ZDHHC21: variants seen among roughly 807,000 people sequenced by gnomAD.
ZDHHC21 encodes the protein palmitoyltransferase ZDHHC21.
Under a neutral mutation model 34.6 loss-of-function variants are expected in ZDHHC21, and 15 were observed. The ratio of observed to expected loss-of-function variants is 0.43; its 90% CI spans 0.29 to 0.67. The LOEUF is 0.67. Ranked by LOEUF, ZDHHC21 falls within the 30% of genes least tolerant of loss-of-function variation. The pLI, the probability that ZDHHC21 is intolerant of heterozygous loss-of-function variation, is 0.14. For synonymous variants in ZDHHC21, 142 were observed against 101.8 expected (o/e 1.40, Z -2.38); for missense variants, 344 against 327.7 (o/e 1.05, Z -0.38).
chr9:14,594,758 AAACT>A, the ZDHHC21 span, among the ~76,000 whole-genome samples: 6 of 152,312 alleles, frequency 3.9e-5, no homozygotes, highest in East Asian at 1.2e-3. Flanking sequence ...GACAAACCAC[AAACT>A]AAAAGAAAAT....
In ZDHHC21 at chr9:14,654,380, C is replaced by T. The variant is rs571728268; in HGVS notation, c.504+4369G>A. ...AACCCCTGATTGGATAAAAATGAGG[C>T]TTCTCTTATATCCTATCAAAAAAAA... On this transcript the variant is annotated intron_variant, in intron 7 of 9. Transcript: ENST00000380916. Among the ~76,000 whole-genome samples, 151 of 130,258 alleles carry T rather than the reference C, an allele frequency of 1.2e-3. 1 individual carries two copies. Among genetic ancestry groups the T allele is most frequent in the South Asian group, 8.8e-3 (32 of 3,632 alleles). 85.5% of individuals were successfully genotyped at this position (130,258 alleles called of 152,430 possible).
At chr9:14,602,936 A>C in the ZDHHC21 span, among the ~76,000 whole-genome samples, 4 of 148,770 alleles carry the variant, frequency 2.7e-5, no homozygotes, top group Non-Finnish European at 4.5e-5. Context: ...CTCAAAAAAA[A>C]AAAAAAAAAA....
In ZDHHC21 at chr9:14,618,856, G is replaced by T; in HGVS notation, c.*110C>A. On this transcript the variant is annotated 3_prime_UTR_variant, in exon 10 of 10. Transcript: ENST00000380916. ...GCCTGGGGCACATTATGATGCCTAA[G>T]ACTGGTGGGTGGATTTTAATTGACT... 3 of 1,272,792 alleles carry T rather than the reference G, an allele frequency of 2.4e-6. No individual in the cohort carries two copies. Among genetic ancestry groups the T allele is most frequent in the Non-Finnish European group, 3.1e-6 (3 of 960,702 alleles). 78.8% of individuals were successfully genotyped at this position (1,272,792 alleles called of 1,614,324 possible).
chr9:14,686,491 T>C (rs1367469583), intron 2 of ZDHHC21, among the ~76,000 whole-genome samples: 1 of 152,226 alleles, frequency 6.6e-6, no homozygotes, highest in African/African-American at 2.4e-5. Flanking sequence ...ATCAAAATTA[T>C]TACATTTCTT....
downstream of ZDHHC21, among the ~76,000 whole-genome samples, chr9:14,610,259 G>C (rs900255249): frequency 7.9e-5 from 12 of 151,882 alleles, no homozygotes; most frequent in Non-Finnish European, 1.6e-4. Context: ...TTTGAGAACT[G>C]TTGTAACTTA....
intron 2 of ZDHHC21, among the ~76,000 whole-genome samples, 198 bp downstream of exon 2, chr9:14,690,139 C>A (rs1838951201): frequency 6.6e-6 from 1 of 152,142 alleles, no homozygotes; most frequent in Non-Finnish European, 1.5e-5. Context: ...GAGGCCCAGG[C>A]TTTTCCTGGG....
chr9:14,662,459 G>T, intron 5 of ZDHHC21, 133 bp from the exon 6 acceptor site: 1 of 623,554 alleles, frequency 1.6e-6, no homozygotes, highest in Non-Finnish European at 2.7e-6. Flanking sequence ...TAAGCCTTTG[G>T]TATAAATGTG....
At chr9:14,651,475 G>A (rs185538787) in intron 7 of ZDHHC21, among the ~76,000 whole-genome samples, 1 of 151,800 alleles carries the variant, frequency 6.6e-6, no homozygotes, top group Admixed American at 6.6e-5. Context: ...ATTGGACAAG[G>A]TATTGAACTT....
intron 2 of ZDHHC21, among the ~76,000 whole-genome samples, chr9:14,685,047 T>C (rs1371940302): frequency 6.6e-6 from 1 of 152,106 alleles, no homozygotes; most frequent in Admixed American, 6.5e-5. Flanking sequence ...TATACAAAAA[T>C]TAATTCAAGA....
chr9:14,633,104 G>C (rs1477949471), intron 8 of ZDHHC21, among the ~76,000 whole-genome samples: 2 of 152,188 alleles, frequency 1.3e-5, no homozygotes, highest in Admixed American at 6.5e-5. Flanking sequence ...AAAACGTGTA[G>C]GTGGGCTTCA....
At chr9:14,598,343 G>A in the ZDHHC21 span, among the ~76,000 whole-genome samples, 1 of 152,100 alleles carries the variant, frequency 6.6e-6, no homozygotes, top group Non-Finnish European at 1.5e-5. Flanking sequence ...CACTACTGAT[G>A]CTGATTACAC....
chr9:14,642,153 GTATT>G (rs1829484644), intron 7 of ZDHHC21, among the ~76,000 whole-genome samples: 1 of 151,910 alleles, frequency 6.6e-6, no homozygotes, highest in Admixed American at 6.6e-5. Flanking sequence ...TATATTTAAA[GTATT>G]TATGTAAAAT....
downstream of ZDHHC21, among the ~76,000 whole-genome samples, chr9:14,606,171 A>G (rs1423642876): frequency 5.3e-5 from 8 of 152,176 alleles, no homozygotes; most frequent in Admixed American, 2.0e-4. Context: ...GTCCTCAACA[A>G]TATCTCCCAT....
chr9:14,591,818 T>A, the ZDHHC21 span, among the ~76,000 whole-genome samples: 1 of 152,164 alleles, frequency 6.6e-6, no homozygotes, highest in Non-Finnish European at 1.5e-5. Flanking sequence ...TATTCTTCTA[T>A]CTAGTAATAT....
chr9:14,656,740 T>G (rs1832293114), intron 7 of ZDHHC21, among the ~76,000 whole-genome samples: 1 of 151,978 alleles, frequency 6.6e-6, no homozygotes, highest in South Asian at 2.1e-4. Flanking sequence ...TAAAGTAGCT[T>G]TCTAACAACC....
chr9:14,595,125 A>C, the ZDHHC21 span, among the ~76,000 whole-genome samples: 1 of 152,202 alleles, frequency 6.6e-6, no homozygotes, highest in Non-Finnish European at 1.5e-5. Context: ...TAAAAAATTA[A>C]ATATAAATTT....
At chr9:14,650,132 T>C (rs1830971513) in intron 7 of ZDHHC21, among the ~76,000 whole-genome samples, 1 of 152,018 alleles carries the variant, frequency 6.6e-6, no homozygotes, top group African/African-American at 2.4e-5. Context: ...ATTATAAGGT[T>C]TCTGTGTTCC....
rs149125967 is a variant in ZDHHC21, at chr9:14,644,381, A to G, written c.505-4369T>C. 6.1e-3 allele frequency among the ~76,000 whole-genome samples: 935 copies of G among 152,214 alleles called. 11 individuals carry two copies. The highest frequency in any genetic ancestry group is 0.021 in the African/African-American group (884 of 41,554). ...TTTCTCTTGTCTTACTGCACTGGCT[A>G]GAATTTCTAGTAGTATATTTAAGAA... On this transcript the variant is annotated intron_variant, in intron 7 of 9. Coordinates refer to ENST00000380916, the MANE Select transcript of ZDHHC21 (RefSeq NM_178566.6).
At chr9:14,634,314 T>G (rs1002590291) in intron 8 of ZDHHC21, among the ~76,000 whole-genome samples, 1 of 152,138 alleles carries the variant, frequency 6.6e-6, no homozygotes, top group Non-Finnish European at 1.5e-5. Flanking sequence ...CATGCCCATT[T>G]CCCAGGACCC....
Sources: allele counts gnomAD v4.1 joint callset (sites outside exome capture counted in the v4.1 genomes callset), GRCh38; gene constraint gnomAD v4.1.1; transcripts MANE v1.5; gene names NCBI Gene and HGNC (gene_info 2026-07-23, HGNC 2026-07-21).